Variants in SEM1 observed in about 807,000 individuals in gnomAD.
The protein encoded by SEM1 is 26S proteasome complex subunit SEM1.
In SEM1, 3 loss-of-function variants were observed where a neutral mutation model predicts 12.7. The observed-to-expected ratio is 0.24, with a 90% confidence interval of 0.11 to 0.61. SEM1 has a LOEUF of 0.61. SEM1 is among the 20% of genes least tolerant of loss of function. The pLI is 0.88. For synonymous variants in SEM1, 30 were observed against 27.8 expected, an observed-to-expected ratio of 1.08 and a Z score of -0.25; for missense variants, 59 against 81.3, an observed-to-expected ratio of 0.73 and a Z score of 1.06.
upstream of SEM1, among the ~76,000 whole-genome samples, chr7:96,501,323 T>G (rs1336024682): frequency 6.6e-6 from 1 of 152,132 alleles, no homozygotes; most frequent in Non-Finnish European, 1.5e-5. Flanking sequence ...GTTTTCTCAC[T>G]GACCTTTAGT....
intron 2 of SEM1, among the ~76,000 whole-genome samples, chr7:96,582,727 C>G (rs183128069): frequency 6.6e-6 from 1 of 152,258 alleles, no homozygotes. Flanking sequence ...AGAAATTTAT[C>G]CATTTCTTCC....
chr7:96,586,945 G>A (rs906253920), intron 2 of SEM1, among the ~76,000 whole-genome samples: 5 of 152,110 alleles, frequency 3.3e-5, no homozygotes, highest in African/African-American at 1.2e-4. Flanking sequence ...CCCATTACAA[G>A]TGCATTATGG....
chr7:96,671,885 C>T (rs1789326165), downstream of SEM1, among the ~76,000 whole-genome samples: 1 of 152,174 alleles, frequency 6.6e-6, no homozygotes, highest in South Asian at 2.1e-4. Flanking sequence ...ACAGTGTAAA[C>T]AGTAATTGGG....
chr7:96,587,994 A>G (rs1466056707), intron 2 of SEM1, among the ~76,000 whole-genome samples: 1 of 152,156 alleles, frequency 6.6e-6, no homozygotes, highest in African/African-American at 2.4e-5. Flanking sequence ...ACGAAGTATT[A>G]TATGTTATAG....
In SEM1 at chr7:96,522,625, C is replaced by G. The variant is rs556376989; in HGVS notation, c.171-15927G>C. Among the ~76,000 whole-genome samples, 4 of 151,420 alleles carry G rather than the reference C, an allele frequency of 2.6e-5. No homozygotes were observed. The East Asian group carries it at 7.8e-4, about 30-fold the overall frequency. On this transcript the variant is annotated intron_variant and NMD_transcript_variant, in intron 2 of 3. Coordinates refer to the SEM1 transcript ENST00000466986. ...AGGCACAGTGGCTCACACCTGTAAT[C>G]CCAGCACTTTGGGAGGCCAAGGCAG...
At chr7:96,602,058 T>C (rs1232410339) in intron 2 of SEM1, among the ~76,000 whole-genome samples, 1 of 152,172 alleles carries the variant, frequency 6.6e-6, no homozygotes, top group African/African-American at 2.4e-5. Context: ...AGGAGTTCAG[T>C]TTCACCATGT....
At chr7:96,518,617 C>T (rs1413960177) in intron 2 of SEM1, among the ~76,000 whole-genome samples, 6 of 152,072 alleles carry the variant, frequency 3.9e-5, no homozygotes, top group Non-Finnish European at 5.9e-5. Flanking sequence ...ATATTCATCA[C>T]GCAGCCCTTC....
chr7:96,516,416 G>A (rs1804097673), intron 2 of SEM1, among the ~76,000 whole-genome samples: 2 of 152,072 alleles, frequency 1.3e-5, no homozygotes, highest in African/African-American at 4.8e-5. Context: ...TAAAAAATGG[G>A]CCAAAGACCT....
At chr7:96,499,965 G>A (rs1229315726), upstream of SEM1, among the ~76,000 whole-genome samples, 3 of 151,838 alleles carry the variant, frequency 2.0e-5, no homozygotes, top group African/African-American at 7.3e-5. Context: ...AATTAGTAAG[G>A]GTATAATTTT....
chr7:96,533,345 A>G (rs1239483568), intron 2 of SEM1, among the ~76,000 whole-genome samples: 1 of 152,006 alleles, frequency 6.6e-6, no homozygotes, highest in Non-Finnish European at 1.5e-5. Flanking sequence ...CACCGTCTCC[A>G]TCAATCTAGA....
intron 2 of SEM1, among the ~76,000 whole-genome samples, chr7:96,598,261 A>G (rs1215273060): frequency 6.6e-6 from 1 of 152,186 alleles, no homozygotes; most frequent in Non-Finnish European, 1.5e-5. Flanking sequence ...GAAAAATCTA[A>G]TTTATGAGTT....
intron 1 of SEM1, among the ~76,000 whole-genome samples, chr7:96,702,188 GA>G (rs1230810594): frequency 1.3e-5 from 2 of 152,124 alleles, no homozygotes; most frequent in African/African-American, 4.8e-5. Context: ...GAAAAAACTA[GA>G]ATGAATCCAG....
At chr7:96,644,050 C>A (rs937604019) in intron 2 of SEM1, among the ~76,000 whole-genome samples, 5 of 152,004 alleles carry the variant, frequency 3.3e-5, no homozygotes, top group Non-Finnish European at 7.4e-5. Flanking sequence ...AAGGATGTAA[C>A]TTGCCATTAG....
intron 2 of SEM1, among the ~76,000 whole-genome samples, chr7:96,557,961 CT>C (rs768394606): frequency 7.2e-5 from 11 of 152,174 alleles, no homozygotes; most frequent in Non-Finnish European, 1.5e-4. Context: ...TTTCCAGGTG[CT>C]GTCCATCACC....
At chr7:96,488,243 C>T (rs1323999890) in intron 1 of SEM1, among the ~76,000 whole-genome samples, 3 of 152,054 alleles carry the variant, frequency 2.0e-5, no homozygotes, top group Non-Finnish European at 4.4e-5. Context: ...CATGGGTCTG[C>T]TTGTGGGCAC....
At chr7:96,537,131 T>C (rs1336642140) in intron 2 of SEM1, among the ~76,000 whole-genome samples, 1 of 151,738 alleles carries the variant, frequency 6.6e-6, no homozygotes, top group African/African-American at 2.4e-5. Flanking sequence ...CTAATATAAG[T>C]CTACTTACTT....
At chr7:96,564,807 A>C (rs1355246562) in intron 2 of SEM1, among the ~76,000 whole-genome samples, 1 of 152,046 alleles carries the variant, frequency 6.6e-6, no homozygotes, top group African/African-American at 2.4e-5. Flanking sequence ...TATATATGTT[A>C]TACAGAAAAT....
At chr7:96,650,436 G>A in intron 2 of SEM1, 1 of 727,816 alleles carries the variant, frequency 1.4e-6, no homozygotes, top group South Asian at 1.5e-5. Flanking sequence ...CTCGCCCAAT[G>A]TGTCCTTCAT....
chr7:96,494,826 A>G (rs972920953), intron 1 of SEM1, among the ~76,000 whole-genome samples: 1 of 145,670 alleles, frequency 6.9e-6, no homozygotes, highest in African/African-American at 2.6e-5. Flanking sequence ...TTTTATGAAT[A>G]TGTCACAGAA....
Sources: gnomAD v4.1 joint callset for allele counts (sites outside exome capture counted in the v4.1 genomes callset) on GRCh38, gnomAD v4.1.1 for gene constraint, MANE v1.5 for transcripts, NCBI Gene and HGNC (gene_info 2026-07-23, HGNC 2026-07-21) for gene names.